Variants in CAMTA1 observed in about 807,000 individuals in gnomAD.
CAMTA1 encodes the protein calmodulin binding transcription activator 1.
In CAMTA1, 27 loss-of-function variants were observed where a neutral mutation model predicts 170.9. The ratio of observed to expected loss-of-function variants is 0.16; its 90% CI spans 0.12 to 0.22. The LOEUF (loss-of-function observed/expected upper bound fraction) is 0.22. Among genes scored for constraint, CAMTA1 ranks in the 10% least tolerant of loss-of-function variants. CAMTA1 has a pLI of 1.00. For missense variants in CAMTA1, 1,619 were observed against 2,217.2 expected (o/e 0.73, Z 5.42); for synonymous variants, 833 against 891.5 (o/e 0.93, Z 1.17).
chr1:7,645,119 G>A (rs150513511), intron 7 of CAMTA1, among the ~76,000 whole-genome samples: 83 of 152,328 alleles, frequency 5.4e-4, no homozygotes, highest in Admixed American at 2.4e-3. Flanking sequence ...GCTGAAGGGG[G>A]AGTCCTCTCC....
At chr1:7,604,840 A>C (rs1239115658) in intron 6 of CAMTA1, among the ~76,000 whole-genome samples, 1 of 152,060 alleles carries the variant, frequency 6.6e-6, no homozygotes, top group South Asian at 2.1e-4. Flanking sequence ...GATCATGGTG[A>C]CGTACAGATG....
chr1:6,943,805 C>G (rs1032622239), intron 3 of CAMTA1, among the ~76,000 whole-genome samples: 1 of 147,676 alleles, frequency 6.8e-6, no homozygotes, highest in Non-Finnish European at 1.5e-5. Context: ...CGAAATCGTG[C>G]CACTGCACTC....
intron 1 of CAMTA1, among the ~76,000 whole-genome samples, chr1:6,797,732 C>G (rs965489066): frequency 2.0e-5 from 3 of 151,986 alleles, no homozygotes; most frequent in African/African-American, 4.8e-5. Flanking sequence ...ATCCTGTGTC[C>G]TCCCATTCTT....
intron 6 of CAMTA1, among the ~76,000 whole-genome samples, chr1:7,608,252 C>CA (rs541039134): frequency 8.5e-4 from 129 of 152,336 alleles, no homozygotes; most frequent in African/African-American, 3.0e-3. Context: ...AAGCATGTGA[C>CA]AGTCAAGCAG....
chr1:7,109,126 C>T lies in CAMTA1; in HGVS notation c.302+17755C>T, dbSNP rs560642956. The stretch of plus-strand genomic sequence containing the variant: ...AGAGACTACGAGAGGGTGAGCAAGA[C>T]AAAAGCCAGAGTCTTTTTGAAAATA... On this transcript the variant is annotated intron_variant, in intron 4 of 22. Coordinates refer to ENST00000303635, the MANE Select transcript of CAMTA1 (RefSeq NM_015215.4). Among the ~76,000 whole-genome samples, 6 of 152,358 alleles carry T rather than the reference C, an allele frequency of 3.9e-5. No individual in the cohort carries two copies. In the South Asian group the frequency reaches 1.2e-3, roughly 32 times the overall value.
chr1:7,598,858 G>C (rs1216574015), intron 6 of CAMTA1, among the ~76,000 whole-genome samples: 1 of 152,166 alleles, frequency 6.6e-6, no homozygotes, highest in African/African-American at 2.4e-5. Flanking sequence ...CAGATGAGTA[G>C]ATTGCAAAAA....
chr1:6,919,534 G>A (rs148068463), intron 3 of CAMTA1, among the ~76,000 whole-genome samples: 10 of 152,298 alleles, frequency 6.6e-5, no homozygotes, highest in African/African-American at 2.2e-4. Context: ...CTCAGATGTG[G>A]AAGTGATCTG....
At chr1:7,473,860 C>T (rs1028947362) in intron 6 of CAMTA1, among the ~76,000 whole-genome samples, 5 of 152,252 alleles carry the variant, frequency 3.3e-5, no homozygotes, top group East Asian at 1.9e-4. Flanking sequence ...GGCTGTGGAA[C>T]GCGATGGCCT....
chr1:6,869,298 G>A (rs1005789904), intron 3 of CAMTA1, among the ~76,000 whole-genome samples: 2 of 152,200 alleles, frequency 1.3e-5, no homozygotes, highest in East Asian at 1.9e-4. Context: ...CCAAAGTTAA[G>A]ACTTAGGCCA....
In CAMTA1 at chr1:7,367,030, TA is replaced by T. The variant is rs1003518651; in HGVS notation, c.439-100791del. Reference sequence around the variant, plus strand: ...CCCTCTCTGTGCCATTCTTTCCTCTTAAAAAAAAATATCCTGCTGACAGGAG... The same window carrying T: ...CCCTCTCTGTGCCATTCTTTCCTCTTAAAAAAAATATCCTGCTGACAGGAG... On this transcript the variant is annotated intron_variant, in intron 5 of 22. Transcript: ENST00000303635. 1.8e-4 allele frequency among the ~76,000 whole-genome samples: 28 copies of T among 151,428 alleles called. No individual in the cohort carries two copies. In the South Asian group the frequency reaches 2.9e-3, roughly 16 times the overall value.
chr1:7,157,500 T>C (rs1241584590), intron 4 of CAMTA1, among the ~76,000 whole-genome samples: 1 of 152,026 alleles, frequency 6.6e-6, no homozygotes, highest in Non-Finnish European at 1.5e-5. Flanking sequence ...GAATGAGATA[T>C]AACACACCCA....
intron 3 of CAMTA1, among the ~76,000 whole-genome samples, chr1:6,825,435 T>G (rs1473764388): frequency 6.6e-6 from 1 of 152,216 alleles, no homozygotes; most frequent in Non-Finnish European, 1.5e-5. Flanking sequence ...GCACGTTGAC[T>G]TAACTAAAGT....
At chr1:7,502,101 G>A (rs566803390) in intron 6 of CAMTA1, among the ~76,000 whole-genome samples, 3 of 152,342 alleles carry the variant, frequency 2.0e-5, no homozygotes, top group South Asian at 2.1e-4. Flanking sequence ...GTGGTGCAGC[G>A]GTGAGCAGAT....
intron 10 of CAMTA1, among the ~76,000 whole-genome samples, chr1:7,676,496 A>T (rs908930835): frequency 6.6e-6 from 1 of 152,244 alleles, no homozygotes; most frequent in Non-Finnish European, 1.5e-5. Context: ...TGGGATCTGC[A>T]TCAGAGTCCT....
intron 1 of CAMTA1, among the ~76,000 whole-genome samples, chr1:6,814,537 G>A (rs1645559164): frequency 6.6e-6 from 1 of 152,170 alleles, no homozygotes; most frequent in Non-Finnish European, 1.5e-5. Flanking sequence ...AGCCACTGCT[G>A]TGAGAACAGT....
At chr1:7,199,714 T>C (rs11120877) in intron 4 of CAMTA1, among the ~76,000 whole-genome samples, 70,479 of 144,772 alleles carry the variant, frequency 0.49, 18,606 homozygotes, top group South Asian at 0.63. Context: ...CCCAGTGCAG[T>C]CCTGCAGTTG....
At chr1:7,255,524 C>T (rs1667238482) in intron 5 of CAMTA1, among the ~76,000 whole-genome samples, 1 of 152,134 alleles carries the variant, frequency 6.6e-6, no homozygotes, top group Admixed American at 6.5e-5. Flanking sequence ...GGCTATCTCC[C>T]CTGATCTTCT....
At chr1:6,928,354 AAG>A (rs756800649) in intron 3 of CAMTA1, among the ~76,000 whole-genome samples, 68 of 152,266 alleles carry the variant, frequency 4.5e-4, no homozygotes, top group Non-Finnish European at 8.8e-4. Context: ...CTAGACTTAT[AAG>A]ACAGGGAGTC....
chr1:6,829,299 ACT>A (rs1484682069), intron 3 of CAMTA1, among the ~76,000 whole-genome samples: 1 of 152,102 alleles, frequency 6.6e-6, no homozygotes, highest in Admixed American at 6.5e-5. Context: ...TAAAAGGAAG[ACT>A]CTAAGAAGGT....
Sources: allele counts gnomAD v4.1 joint callset (sites outside exome capture counted in the v4.1 genomes callset), GRCh38; gene constraint gnomAD v4.1.1; transcripts MANE v1.5; gene names NCBI Gene and HGNC (gene_info 2026-07-23, HGNC 2026-07-21).